Variants in TJP3 observed in about 807,000 individuals in gnomAD.
TJP3 encodes tight junction protein ZO-3.
In TJP3, 85 loss-of-function variants were observed where a neutral mutation model predicts 104.2. The ratio of observed to expected loss-of-function variants is 0.82; its 90% CI spans 0.68 to 0.98. TJP3 has a LOEUF of 0.98. Ranked by LOEUF, TJP3 falls within the 50% of genes least tolerant of loss-of-function variation. The pLI is 0.00. For missense variants in TJP3, 1,367 were observed against 1,322.8 expected, an observed-to-expected ratio of 1.03 and a Z score of -0.52; for synonymous variants, 550 against 550.6, an observed-to-expected ratio of 1.00 and a Z score of 0.02.
At chr19:3,743,193 G>C (rs567366089) in intron 14 of TJP3, among the ~76,000 whole-genome samples, 2 of 152,140 alleles carry the variant, frequency 1.3e-5, no homozygotes, top group Non-Finnish European at 2.9e-5. Flanking sequence ...GAACCTGGAA[G>C]GTGAAGGTTG....
At chr19:3,726,155 TC>T (rs2036593990) in intron 1 of TJP3, among the ~76,000 whole-genome samples, 1 of 152,120 alleles carries the variant, frequency 6.6e-6, no homozygotes, top group Non-Finnish European at 1.5e-5. Flanking sequence ...AGGAGTCACT[TC>T]TACAAACTCC....
chr19:3,737,643 C>T (rs937487865), intron 11 of TJP3, among the ~76,000 whole-genome samples: 1 of 152,156 alleles, frequency 6.6e-6, no homozygotes, highest in African/African-American at 2.4e-5. Flanking sequence ...CTCTCATGAC[C>T]TTGCTTGTGT....
In TJP3 at chr19:3,730,799, G is replaced by C; in HGVS notation, c.613+93G>C. 4 of 1,380,104 alleles carry C rather than the reference G, an allele frequency of 2.9e-6. No homozygotes were observed. Among genetic ancestry groups the C allele is most frequent in the Non-Finnish European group, 3.9e-6 (4 of 1,036,120 alleles). 85.5% of individuals were successfully genotyped at this position (1,380,104 alleles called of 1,614,324 possible). On this transcript the variant is annotated intron_variant, in intron 5 of 20. Coordinates refer to ENST00000541714, the MANE Select transcript of TJP3 (RefSeq NM_001267560.2). The surrounding 1 kb of genome is among the most constrained non-coding windows in gnomAD (Gnocchi z 7.3). ...GGTTTCAAGTGATTCTCCTGCCTCA[G>C]CCTCCCTGGTGGCTGGGACTCCAGG...
At position 3,746,445 on chromosome 19, in the gene TJP3, T is replaced by C. The variant is rs749113006; in HGVS notation, c.2011-40T>C. On this transcript the variant is annotated intron_variant, in intron 16 of 20. Coordinates refer to ENST00000541714, the MANE Select transcript of TJP3 (RefSeq NM_001267560.2). This position sits in a 1 kb window ranked among gnomAD's most constrained non-coding sequence, Gnocchi z 4.1. ...ATCTTTCTCTCTCTGTTTACCCTGCTGCAATCCCCCTCACCCCAACGTCCG... is the reference window on the plus strand; with the variant it reads ...ATCTTTCTCTCTCTGTTTACCCTGCCGCAATCCCCCTCACCCCAACGTCCG... 17 of 1,602,818 alleles carry C rather than the reference T, an allele frequency of 1.1e-5. No individual in the cohort carries two copies. The highest frequency in any genetic ancestry group is 1.7e-4 in the Middle Eastern group (1 of 6,056).
intron 19 of TJP3, among the ~76,000 whole-genome samples, chr19:3,748,287 T>C (rs2060551059): frequency 6.7e-6 from 1 of 149,392 alleles, no homozygotes; most frequent in Non-Finnish European, 1.5e-5. Context: ...TTTTTTTTTT[T>C]TTGAGACGCA....
intron 7 of TJP3, 111 bp from the exon 8 acceptor site, chr19:3,734,216 G>T: frequency 8.6e-7 from 1 of 1,162,564 alleles, no homozygotes; most frequent in South Asian, 1.4e-5. Flanking sequence ...CTGAGCTTCT[G>T]ACTTTGGTCT....
chr19:3,735,552 C>A lies in TJP3; in HGVS notation c.987-14C>A, dbSNP rs1216764752. 9 of 1,613,904 alleles carry A rather than the reference C, an allele frequency of 5.6e-6. No individual in the cohort carries two copies. The highest frequency in any genetic ancestry group is 1.7e-5 in the Admixed American group (1 of 60,002). On this transcript the variant is annotated splice_polypyrimidine_tract_variant and intron_variant, in intron 8 of 20. Coordinates refer to ENST00000541714, the MANE Select transcript of TJP3 (RefSeq NM_001267560.2). Reference sequence around the variant, plus strand: ...AATCCATCCCTGCCTCACTCCCAATCTGTTCCCCACCAGGGAGAGTCCCCG... The same window carrying A: ...AATCCATCCCTGCCTCACTCCCAATATGTTCCCCACCAGGGAGAGTCCCCG...
At chr19:3,744,698 G>A (rs1302933446) in intron 15 of TJP3, among the ~76,000 whole-genome samples, 1 of 151,372 alleles carries the variant, frequency 6.6e-6, no homozygotes, top group Non-Finnish European at 1.5e-5. Context: ...GATAGACTAG[G>A]AGGCCGGGCG....
At chr19:3,717,155 A>G (rs1162557879) in intron 1 of TJP3, among the ~76,000 whole-genome samples, 1 of 145,708 alleles carries the variant, frequency 6.9e-6, no homozygotes, top group Non-Finnish European at 1.5e-5. Context: ...AGTAGAGACG[A>G]GGTTTCTCCA....
At chr19:3,737,348 G>C (rs145305162) in intron 11 of TJP3, among the ~76,000 whole-genome samples, 62 of 152,210 alleles carry the variant, frequency 4.1e-4, no homozygotes, top group African/African-American at 1.4e-3. Context: ...GACATTGGCT[G>C]TGTTGACCGT....
At chr19:3,734,161 A>T in intron 7 of TJP3, 166 bp from the exon 8 acceptor site, 1 of 869,756 alleles carries the variant, frequency 1.1e-6, no homozygotes, top group South Asian at 1.7e-5. Context: ...AGCTGGGATT[A>T]TAGGCGTGAG....
Position 3,728,406 on chromosome 19 carries a change from C to T in TJP3, c.-9-18C>T, listed in dbSNP as rs751756687. On this transcript the variant is annotated intron_variant, in intron 1 of 20. Transcript: ENST00000541714. ...CCTGTGTGGCCTCATGCCCATCTTCCCCGCTCCCCTCGACCAGGTGGCTGA... is the reference window on the plus strand; with the variant it reads ...CCTGTGTGGCCTCATGCCCATCTTCTCCGCTCCCCTCGACCAGGTGGCTGA... 1 of 1,614,088 alleles carries T rather than the reference C, an allele frequency of 6.2e-7. No homozygotes were observed. Among genetic ancestry groups the T allele is most frequent in the Non-Finnish European group, 8.5e-7 (1 of 1,180,030 alleles).
At chr19:3,728,750 G>A (rs1380005905) in intron 3 of TJP3, 37 bp downstream of exon 3, 4 of 1,604,164 alleles carry the variant, frequency 2.5e-6, no homozygotes, top group Middle Eastern at 1.7e-4. Flanking sequence ...GCGGGGGAGG[G>A]CACGTGGAGA....
chr19:3,738,576 A>G lies in TJP3; in HGVS notation c.1306A>G (p.Asn436Asp), dbSNP rs752468809. 27 of 1,613,622 alleles carry G rather than the reference A, an allele frequency of 1.7e-5. No homozygotes were observed. The South Asian group carries it at 2.6e-4, about 16-fold the overall frequency. ...GCAGGTGAATGACGTGCCATTCCAGAACCTGACACGGGAGGAGGCAGTGCA... is the reference window on the plus strand; with the variant it reads ...GCAGGTGAATGACGTGCCATTCCAGGACCTGACACGGGAGGAGGCAGTGCA... ...ILQVNDVPFQ[N>D]LTREEAVQFL... Residue 436 changes from asparagine to aspartate, a missense_variant, in exon 12 of 21, where the codon AAC becomes GAC. Coordinates refer to ENST00000541714, the MANE Select transcript of TJP3 (RefSeq NM_001267560.2).
At chr19:3,750,045 G>T in intron 19 of TJP3, 93 bp from the exon 20 acceptor site, 1 of 1,550,302 alleles carries the variant, frequency 6.5e-7, no homozygotes, top group Non-Finnish European at 8.9e-7. Context: ...CATGGCCCGG[G>T]CCAAGGTGGG....
Position 3,748,050 on chromosome 19 carries a change from G to C in TJP3, c.2579G>C (p.Arg860Pro). ...GATGAGTCCCAGAGCCCGAGGGATC[G>C]TGGGAGAATCTCGGCTCATCAGGGG... ...QADESQSPRDRGRISAHQGAQ... is the reference protein window; with the variant it reads ...QADESQSPRDPGRISAHQGAQ... The change falls in exon 19 of 21, where the codon CGT becomes CCT. Residue 860 changes from arginine (R) to proline (P), a missense_variant. Transcript: ENST00000541714. The C allele has an allele frequency of 6.3e-7, 1 of 1,587,326 alleles. No homozygotes were observed. Among genetic ancestry groups the C allele is most frequent in the East Asian group, 2.3e-5 (1 of 43,516 alleles).
At chr19:3,728,737 C>T in intron 3 of TJP3, 24 bp downstream of exon 3, 2 of 1,610,548 alleles carry the variant, frequency 1.2e-6, no homozygotes, top group South Asian at 2.2e-5. Flanking sequence ...CAGCTGGGTT[C>T]TGGCGGGGGA....
chr19:3,727,156 T>G (rs1807722232), intron 1 of TJP3, among the ~76,000 whole-genome samples: 1 of 151,614 alleles, frequency 6.6e-6, no homozygotes, highest in South Asian at 2.1e-4. Context: ...ATGGGGATAA[T>G]TGAATGCACC....
intron 1 of TJP3, among the ~76,000 whole-genome samples, chr19:3,718,211 AAGTGTGTGTGTGTGT>A (rs1206557989): frequency 3.4e-5 from 2 of 59,300 alleles, no homozygotes; most frequent in African/African-American, 6.9e-5. Context: ...AAAAAAAAAA[AAGTGTGTGTGTGTGT>A]GTGTGTGTGT....
Sources: gnomAD v4.1 joint callset for allele counts (sites outside exome capture counted in the v4.1 genomes callset) on GRCh38, gnomAD v4.1.1 for gene constraint, Gnocchi (gnomAD v3.1) non-coding constraint, MANE v1.5 for transcripts, NCBI Gene and HGNC (gene_info 2026-07-23, HGNC 2026-07-21) for gene names.